PRPF19: variants seen among roughly 807,000 people sequenced by gnomAD.
The protein encoded by PRPF19 is pre-mRNA-processing factor 19.
In PRPF19, 2 loss-of-function variants were observed where a neutral mutation model predicts 64.2. The ratio of observed to expected loss-of-function variants is 0.03; its 90% CI spans 0.01 to 0.10. The LOEUF (loss-of-function observed/expected upper bound fraction) is 0.10, where lower values mean the gene tolerates loss of function less well. Ranked by LOEUF, PRPF19 falls within the 10% of genes least tolerant of loss-of-function variation. PRPF19 has a pLI of 1.00. For missense variants in PRPF19, 314 were observed against 650.0 expected (o/e 0.48, Z 5.62); for synonymous variants, 226 against 251.6 (o/e 0.90, Z 0.96).
chr11:60,901,311 T>C lies in PRPF19; in HGVS notation c.626A>G (p.Gln209Arg). ...VKPEELSKYRQVASHVGLHSA... is the reference protein window; with the variant it reads ...VKPEELSKYRRVASHVGLHSA... Reference sequence around the variant, plus strand: ...GACACTCACCACGTGGGATGCCACCTGCCGGTATTTGCTGAGCTCTTCTGG... The same window carrying C: ...GACACTCACCACGTGGGATGCCACCCGCCGGTATTTGCTGAGCTCTTCTGG... The change falls in exon 8 of 16, where the codon CAG (glutamine) becomes CGG (arginine). Residue 209 changes from glutamine to arginine, a missense_variant. Around this residue, in one of 7 missense-constraint regions of PRPF19, gnomAD observed 175 missense variants for 342.9 expected, o/e 0.51. Transcript: ENST00000227524. The C allele has an allele frequency of 6.2e-7, 1 of 1,614,164 alleles. No individual in the cohort carries two copies. The highest frequency in any genetic ancestry group is 8.5e-7 in the Non-Finnish European group (1 of 1,180,020).
chr11:60,902,958 G>A lies in PRPF19; in HGVS notation c.247-77C>T, dbSNP rs928942697. 6 of 1,557,002 alleles carry A rather than the reference G, an allele frequency of 3.9e-6. No homozygotes were observed. The highest frequency in any genetic ancestry group is 3.5e-5 in the South Asian group (3 of 85,476). ...CCAGTGGAGTCAGCCCTTGGGGAGG[G>A]GATGCTGCCTCCTATCCCAGAGCCT... On this transcript the variant is annotated intron_variant, in intron 3 of 15. Coordinates refer to ENST00000227524, the MANE Select transcript of PRPF19 (RefSeq NM_014502.5). This position sits in a 1 kb window ranked among gnomAD's most constrained non-coding sequence, Gnocchi z 5.0.
In PRPF19 at chr11:60,898,041, A is replaced by G; in HGVS notation, c.1311+60T>C. The G allele has an allele frequency of 6.2e-7, 1 of 1,607,336 alleles. No homozygotes were observed. The highest frequency in any genetic ancestry group is 8.5e-7 in the Non-Finnish European group (1 of 1,175,444). ...AAGCAGAAGCAATTAGATTAATTCAATAAATAATTGACAAACAAGGAGACA... is the reference window on the plus strand; with the variant it reads ...AAGCAGAAGCAATTAGATTAATTCAGTAAATAATTGACAAACAAGGAGACA... On this transcript the variant is annotated intron_variant, in intron 14 of 15. Transcript: ENST00000227524. The surrounding 1 kb of genome is among the most constrained non-coding windows in gnomAD (Gnocchi z 4.6).
chr11:60,901,445 C>A, intron 7 of PRPF19, 54 bp downstream of exon 7: 1 of 1,613,964 alleles, frequency 6.2e-7, no homozygotes, highest in Non-Finnish European at 8.5e-7. Context: ...CCTAAGGAGT[C>A]AACCGCCTCC....
rs1183291596 is a variant in PRPF19 at position 60,891,224 on chromosome 11, T to A, written c.1457A>T (p.His486Leu). The change falls in exon 16 of 16, where the codon CAC (histidine) becomes CTC (leucine). Residue 486 changes from histidine to leucine, a missense_variant. His to Leu is a moderately conservative substitution (Grantham distance 99). Around this residue, in one of 7 missense-constraint regions of PRPF19, gnomAD observed 47 missense variants for 94.5 expected, o/e 0.50. Coordinates refer to ENST00000227524, the MANE Select transcript of PRPF19 (RefSeq NM_014502.5). The stretch of plus-strand genomic sequence containing the variant: ...GCCTGTTGAAGCGATGAACTTGGCG[T>A]GATGCCCGAAGGCCACCCCTGTGGT... The part of the protein sequence containing the change: ...GLTTGVAFGH[H>L]AKFIASTGMD... The A allele has an allele frequency of 2.5e-6, 4 of 1,612,822 alleles. No homozygotes were observed. The African/African-American group carries it at 5.3e-5, about 22-fold the overall frequency.
At chr11:60,897,769 A>G (rs1855937420) in intron 15 of PRPF19, 77 bp downstream of exon 15, 3 of 1,257,914 alleles carry the variant, frequency 2.4e-6, no homozygotes, top group African/African-American at 3.0e-5. Context: ...CAAGCCCTAG[A>G]AATTCCTAAC....
In PRPF19 at chr11:60,898,401, A is replaced by G; in HGVS notation, c.1141-130T>C. ...AAGGACAGCCAGCGGGACCCCCCAG[A>G]CCACACCATCATATCACACACGCAC... On this transcript the variant is annotated intron_variant, in intron 13 of 15. Transcript: ENST00000227524. This position sits in a 1 kb window ranked among gnomAD's most constrained non-coding sequence, Gnocchi z 4.6. 2.6e-6 allele frequency: 4 copies of G among 1,523,916 alleles called. No individual in the cohort carries two copies. Among genetic ancestry groups the G allele is most frequent in the Middle Eastern group, 1.7e-4 (1 of 5,720 alleles). The allele number at this position is 1,523,916 out of a possible 1,614,324, so 94.4% of individuals were successfully genotyped here. A position where few individuals can be genotyped will look rare whatever the true frequency, so the allele number is the denominator to read the frequency against.
intron 15 of PRPF19, among the ~76,000 whole-genome samples, chr11:60,895,337 T>C (rs1387020646): frequency 6.6e-6 from 1 of 152,264 alleles, no homozygotes. Flanking sequence ...TTTTCTGTTA[T>C]GGAGATGGCT....
At chr11:60,894,593 G>A (rs1221429522) in intron 15 of PRPF19, among the ~76,000 whole-genome samples, 1 of 152,124 alleles carries the variant, frequency 6.6e-6, no homozygotes, top group Non-Finnish European at 1.5e-5. Context: ...CTGAAGGGTT[G>A]GAATCAATTT....
intron 10 of PRPF19, among the ~76,000 whole-genome samples, chr11:60,899,710 G>A (rs1028222435): frequency 2.0e-5 from 3 of 152,202 alleles, no homozygotes; most frequent in Non-Finnish European, 2.9e-5. Context: ...GAGCAGTACT[G>A]GGACTGGAAG....
At chr11:60,899,092 A>G (rs1855952754) in intron 11 of PRPF19, 57 bp downstream of exon 11, 1 of 1,563,390 alleles carries the variant, frequency 6.4e-7, no homozygotes, top group Non-Finnish European at 8.7e-7. Context: ...CCTGCCACCC[A>G]GGATGTTCAA....
Position 60,900,891 on chromosome 11 carries a change from C to G in PRPF19, c.681G>C (p.Leu227=). The change falls in exon 9 of 16, where the codon CTG becomes CTC. Residue 227 remains leucine (L), a synonymous_variant. Transcript: ENST00000227524. ...HSASIPGILA[L]DLCPSDTNKI... is the part of the protein sequence containing the mutation. ...TGTTGGTGTCGGACGGGCAGAGGTC[C>G]AGGGCCAGGATCCCAGGAATGCTGG... 1 of 1,614,152 alleles carries G rather than the reference C, an allele frequency of 6.2e-7. No homozygotes were observed. The highest frequency in any genetic ancestry group is 8.5e-7 in the Non-Finnish European group (1 of 1,180,022).
chr11:60,891,463 G>A (rs577186794), intron 15 of PRPF19, among the ~76,000 whole-genome samples, 200 bp from the exon 16 acceptor site: 1 of 152,262 alleles, frequency 6.6e-6, no homozygotes, highest in African/African-American at 2.4e-5. Context: ...TTTCACTGGT[G>A]GGATGAATGA....
intron 3 of PRPF19, 136 bp downstream of exon 3, chr11:60,903,323 C>T (rs1401698187): frequency 7.1e-6 from 7 of 983,492 alleles, no homozygotes; most frequent in South Asian, 1.7e-5. Flanking sequence ...GGGGATACAA[C>T]GAAGAATAAA....
chr11:60,903,602 C>T, intron 2 of PRPF19, 67 bp from the exon 3 acceptor site: 1 of 1,597,702 alleles, frequency 6.3e-7, no homozygotes, highest in South Asian at 1.1e-5. Flanking sequence ...ACATCTTTTC[C>T]TTTTAGCCAT....
Position 60,906,461 on chromosome 11 carries a change from C to T in PRPF19, c.-79G>A. 4 of 1,454,578 alleles carry T rather than the reference C, an allele frequency of 2.7e-6. No individual in the cohort carries two copies. Among genetic ancestry groups the T allele is most frequent in the Admixed American group, 2.0e-5 (1 of 50,370 alleles). The allele number at this position is 1,454,578 out of a possible 1,614,324, so 90.1% of individuals were successfully genotyped here. On this transcript the variant is annotated 5_prime_UTR_variant, in exon 1 of 16. Transcript: ENST00000227524. Reference sequence around the variant, plus strand: ...TGAGCCTCCGCGAGCCACTTCCGGTCCCCCGCTGCTGCCGGGACTGCTCCG... The same window carrying T: ...TGAGCCTCCGCGAGCCACTTCCGGTTCCCCGCTGCTGCCGGGACTGCTCCG...
chr11:60,900,531 AAAC>A (rs1192152378), intron 10 of PRPF19, 48 bp downstream of exon 10: 3 of 1,413,006 alleles, frequency 2.1e-6, no homozygotes, highest in East Asian at 2.5e-5. Context: ...GGTGAGGGAC[AAAC>A]AACAGCCAAG....
chr11:60,906,536 T>C lies in PRPF19; in HGVS notation c.-154A>G. The C allele has an allele frequency of 1.3e-6, 1 of 781,030 alleles. No individual in the cohort carries two copies. The highest frequency in any genetic ancestry group is 1.8e-5 in the South Asian group (1 of 56,276). 48.4% of individuals were successfully genotyped at this position (781,030 alleles called of 1,614,324 possible). A position where few individuals can be genotyped will look rare whatever the true frequency, so the allele number is the denominator to read the frequency against. On this transcript the variant is annotated 5_prime_UTR_variant, in exon 1 of 16. Transcript: ENST00000227524. ...AGCGATGCTAGCGTAGCGCTTCACG[T>C]GGGAATGGGGACAGCCGCGCGCCAC...
At position 60,900,969 on chromosome 11, in the gene PRPF19, C is replaced by T. The variant is rs371276104; in HGVS notation, c.643-40G>A. The T allele has an allele frequency of 8.0e-4, 1,289 of 1,608,048 alleles. 10 individuals are homozygous for T. The South Asian group carries it at 0.011, about 14-fold the overall frequency. On this transcript the variant is annotated intron_variant, in intron 8 of 15. Coordinates refer to ENST00000227524, the MANE Select transcript of PRPF19 (RefSeq NM_014502.5). ...ACACCAAACCCTGTCACGGCCAAAT[C>T]ACAGCAGGCCACAAAGCCACAGACC...
chr11:60,892,174 T>A (rs1330055450), intron 15 of PRPF19, among the ~76,000 whole-genome samples: 1 of 152,252 alleles, frequency 6.6e-6, no homozygotes, highest in Non-Finnish European at 1.5e-5. Flanking sequence ...GAAAGTCACG[T>A]ACCCAGGGCC....
Sources: allele counts gnomAD v4.1 joint callset (sites outside exome capture counted in the v4.1 genomes callset), GRCh38; gene constraint gnomAD v4.1.1; regional missense constraint gnomAD v4.1.1; non-coding constraint Gnocchi (gnomAD v3.1); transcripts MANE v1.5; gene names NCBI Gene and HGNC (gene_info 2026-07-23, HGNC 2026-07-21).